Variants in CFAP65 observed in about 807,000 individuals in gnomAD.
CFAP65 encodes cilia and flagella associated protein 65, also known as cilia- and flagella-associated protein 65.
In CFAP65, 155 loss-of-function variants were observed where a neutral mutation model predicts 208.0. That is an observed-to-expected ratio of 0.75 (90% CI 0.65 to 0.85). CFAP65 has a LOEUF of 0.85. CFAP65 is among the 40% of genes least tolerant of loss of function. The pLI is 0.00. For missense variants in CFAP65, 2,294 were observed against 2,451.3 expected, an observed-to-expected ratio of 0.94 and a Z score of 1.36; for synonymous variants, 970 against 986.3, an observed-to-expected ratio of 0.98 and a Z score of 0.31.
At position 219,003,700 on chromosome 2, in the gene CFAP65, C is replaced by G. The variant is rs1482355812; in HGVS notation, c.5555+252G>C. 6.6e-6 allele frequency among the ~76,000 whole-genome samples: 1 copy of G among 152,182 alleles called. No homozygotes were observed. Among genetic ancestry groups the G allele is most frequent in the Non-Finnish European group, 1.5e-5 (1 of 68,042 alleles). ...CTAGAAGCCCATTTACAAGACTTTG[C>G]AGACTATAACAATTCTCCTGGTAAG... On this transcript the variant is annotated intron_variant, in intron 33 of 34. Transcript: ENST00000341552. This position sits in a 1 kb window ranked among gnomAD's most constrained non-coding sequence, Gnocchi z 4.4.
At position 219,029,713 on chromosome 2, in the gene CFAP65, G is replaced by C. The variant is rs767916090; in HGVS notation, c.1385-45C>G. 12 of 1,592,454 alleles carry C rather than the reference G, an allele frequency of 7.5e-6. No individual in the cohort carries two copies. The East Asian group carries it at 2.7e-4, about 36-fold the overall frequency. On this transcript the variant is annotated intron_variant, in intron 10 of 34. Coordinates refer to ENST00000341552, the MANE Select transcript of CFAP65 (RefSeq NM_194302.4). Reference sequence around the variant, plus strand: ...TATCAGCTTCCCCAAGGATATCTTAGACAAAGTTCCACTGAAGGGAGGTGG... The same window carrying C: ...TATCAGCTTCCCCAAGGATATCTTACACAAAGTTCCACTGAAGGGAGGTGG...
At chr2:219,005,908 T>C (rs1402223523) in intron 31 of CFAP65, 113 bp downstream of exon 31, 1 of 1,083,814 alleles carries the variant, frequency 9.2e-7, no homozygotes, top group East Asian at 2.6e-5. Flanking sequence ...GCCCCACTGC[T>C]GCTGCCCATG....
chr2:219,015,550 C>A, intron 21 of CFAP65: 1 of 152,382 alleles, frequency 6.6e-6, no homozygotes. Context: ...ATATTCAACA[C>A]TGGTAAGTTC....
chr2:219,003,855 T>A lies in CFAP65; in HGVS notation c.5555+97A>T, dbSNP rs1272677271. 1.4e-6 allele frequency: 2 copies of A among 1,429,232 alleles called. No homozygotes were observed. Among genetic ancestry groups the A allele is most frequent in the Non-Finnish European group, 1.9e-6 (2 of 1,044,856 alleles). The allele number at this position is 1,429,232 out of a possible 1,614,324, so 88.5% of individuals were successfully genotyped here. A position where few individuals can be genotyped will look rare whatever the true frequency, so the allele number is the denominator to read the frequency against. On this transcript the variant is annotated intron_variant, in intron 33 of 34. Transcript: ENST00000341552. The surrounding 1 kb of genome is among the most constrained non-coding windows in gnomAD (Gnocchi z 4.4). Reference sequence around the variant, plus strand: ...CTAAGCACTGAATTAGGATGAGATGTGCATACAGGCAGCAGCCATCCTTGG... The same window carrying A: ...CTAAGCACTGAATTAGGATGAGATGAGCATACAGGCAGCAGCCATCCTTGG...
intron 21 of CFAP65, 25 bp from the exon 22 acceptor site, chr2:219,014,069 C>G (rs566515004): frequency 6.3e-7 from 1 of 1,577,742 alleles, no homozygotes; most frequent in East Asian, 2.3e-5. Context: ...CAAAGCCATA[C>G]AAAGAAACTG....
chr2:219,011,071 C>T (rs1946443143), intron 24 of CFAP65, 75 bp from the exon 25 acceptor site: 4 of 1,413,222 alleles, frequency 2.8e-6, no homozygotes, highest in Non-Finnish European at 3.8e-6. Flanking sequence ...ATGCTGTGCC[C>T]ACTGTGGGAG....
intron 1 of CFAP65, 91 bp from the exon 2 acceptor site, chr2:219,040,655 G>T (rs1440798793): frequency 5.2e-6 from 8 of 1,545,848 alleles, no homozygotes; most frequent in South Asian, 1.2e-5. Flanking sequence ...GACCTCAGGG[G>T]ACTGTACAGA....
At chr2:219,020,003 C>T (rs1346136698) in intron 19 of CFAP65, among the ~76,000 whole-genome samples, 2 of 152,126 alleles carry the variant, frequency 1.3e-5, no homozygotes, top group Non-Finnish European at 2.9e-5. Flanking sequence ...TATTGAGACA[C>T]CATTATATAC....
intron 15 of CFAP65, among the ~76,000 whole-genome samples, chr2:219,023,741 G>A (rs1473280782): frequency 1.3e-5 from 2 of 152,224 alleles, no homozygotes; most frequent in African/African-American, 4.8e-5. Flanking sequence ...ACCACCTGCA[G>A]GTGTCTTTTG....
At chr2:219,040,289 C>A (rs1034042290) in intron 2 of CFAP65, among the ~76,000 whole-genome samples, 1 of 152,110 alleles carries the variant, frequency 6.6e-6, no homozygotes, top group Non-Finnish European at 1.5e-5. Context: ...CATGATCACC[C>A]TTTAGGAATT....
intron 5 of CFAP65, among the ~76,000 whole-genome samples, chr2:219,033,522 GA>G (rs899180475): frequency 1.1e-4 from 16 of 151,600 alleles, no homozygotes; most frequent in African/African-American, 3.4e-4. Flanking sequence ...GAGAAAGAAA[GA>G]GAGAGAGGAA....
chr2:219,041,159 T>A (rs1042315783), intron 1 of CFAP65, among the ~76,000 whole-genome samples: 2 of 152,188 alleles, frequency 1.3e-5, no homozygotes, highest in Non-Finnish European at 2.9e-5. Flanking sequence ...TATCATGAGC[T>A]TCCTTTATTT....
Position 219,030,731 on chromosome 2 carries a change from G to C in CFAP65, c.1119C>G (p.Gly373=). 6.2e-7 allele frequency: 1 copy of C among 1,614,196 alleles called. No homozygotes were observed. The highest frequency in any genetic ancestry group is 8.5e-7 in the Non-Finnish European group (1 of 1,180,016). The change falls in exon 9 of 35, where the codon GGC becomes GGG. Residue 373 remains glycine, a synonymous_variant. Transcript: ENST00000341552. ...GCCTGATCTGCCTCTCCGAGGTGCA[G>C]CCCACAGCAACAGAGCCAAAGTACA... The part of the protein sequence containing the change: ...KLLYFGSVAV[G]CTSERQIRLH...
intron 20 of CFAP65, 81 bp from the exon 21 acceptor site, chr2:219,019,260 T>C (rs1241070085): frequency 5.4e-6 from 8 of 1,491,692 alleles, no homozygotes; most frequent in Non-Finnish European, 7.2e-6. Context: ...GCTTGGGCAC[T>C]CCCCTCCCTC....
In CFAP65 at chr2:219,008,804, C is replaced by T. The variant is rs79997799; in HGVS notation, c.4674+243G>A. ...CCCTAAATCTCCAGTGTGCAGCACA[C>T]AGTAGCCACTCATTAAATGCTGGCT... is the stretch of plus-strand genomic sequence containing the variant. On this transcript the variant is annotated intron_variant, in intron 29 of 34. Transcript: ENST00000341552. Among the ~76,000 whole-genome samples, 905 of 152,320 alleles carry T rather than the reference C, an allele frequency of 5.9e-3. 5 individuals are homozygous for T. The highest frequency in any genetic ancestry group is 0.016 in the South Asian group (78 of 4,824).
At chr2:219,030,862 G>T in intron 8 of CFAP65, 28 bp from the exon 9 acceptor site, 1 of 1,606,578 alleles carries the variant, frequency 6.2e-7, no homozygotes, top group Non-Finnish European at 8.5e-7. Context: ...GAGTCTTGGG[G>T]GAACCCACCA....
chr2:219,021,021 G>A, intron 19 of CFAP65, 131 bp downstream of exon 19: 1 of 1,000,868 alleles, frequency 1.0e-6, no homozygotes, highest in Non-Finnish European at 1.4e-6. Context: ...AGACACCAAA[G>A]GCACACCTCA....
At chr2:219,024,470 A>AGGGAGATG (rs1168795562) in intron 14 of CFAP65, among the ~76,000 whole-genome samples, 1 of 6,942 alleles carries the variant, frequency 1.4e-4, no homozygotes, top group African/African-American at 7.1e-4. Flanking sequence ...ACCTCCAGAA[A>AGGGAGATG]GGGGCGGGGG....
At chr2:219,030,645 T>C (rs1947952542) in intron 9 of CFAP65, 44 bp downstream of exon 9, 4 of 1,595,480 alleles carry the variant, frequency 2.5e-6, no homozygotes, top group Non-Finnish European at 3.4e-6. Flanking sequence ...GAAATTCCAA[T>C]CCTGGGGGCG....
Sources: allele counts gnomAD v4.1 joint callset (sites outside exome capture counted in the v4.1 genomes callset), GRCh38; gene constraint gnomAD v4.1.1; non-coding constraint Gnocchi (gnomAD v3.1); transcripts MANE v1.5; gene names NCBI Gene and HGNC (gene_info 2026-07-23, HGNC 2026-07-21).